Variants in MLLT3 observed in about 807,000 individuals in gnomAD.
MLLT3 encodes MLLT3 super elongation complex subunit, also known as protein AF-9.
In MLLT3, 4 loss-of-function variants were observed where a neutral mutation model predicts 53.2. The ratio of observed to expected loss-of-function variants is 0.08; its 90% CI spans 0.04 to 0.17. MLLT3 has a LOEUF of 0.17. MLLT3 is among the 10% of genes least tolerant of loss of function. The pLI is 1.00. For missense variants in MLLT3, 569 were observed against 684.0 expected, an observed-to-expected ratio of 0.83 and a Z score of 1.87; for synonymous variants, 283 against 230.6, an observed-to-expected ratio of 1.23 and a Z score of -2.06.
chr9:20,546,285 A>T (rs2119020110), intron 2 of MLLT3, among the ~76,000 whole-genome samples: 1 of 152,232 alleles, frequency 6.6e-6, no homozygotes, highest in Non-Finnish European at 1.5e-5. Flanking sequence ...ATTGCCACTT[A>T]AAAAATAAAT....
chr9:20,421,121 G>A (rs766176491), intron 4 of MLLT3, among the ~76,000 whole-genome samples: 14 of 151,908 alleles, frequency 9.2e-5, no homozygotes, highest in East Asian at 5.8e-4. Flanking sequence ...AAAATTAGCC[G>A]GGCCAGGTGG....
chr9:20,497,648 T>C (rs1441000246), intron 2 of MLLT3, among the ~76,000 whole-genome samples: 2 of 152,194 alleles, frequency 1.3e-5, no homozygotes, highest in African/African-American at 4.8e-5. Flanking sequence ...TTCCTCTTTA[T>C]TGCTGAGTAG....
rs574009021 is a variant in MLLT3, at chr9:20,346,694, A to G, written c.1576-120T>C. 5.4e-6 allele frequency: 5 copies of G among 927,700 alleles called. No individual in the cohort carries two copies. The African/African-American group carries it at 6.7e-5, about 12-fold the overall frequency. The allele number at this position is 927,700 out of a possible 1,614,324, so 57.5% of individuals were successfully genotyped here. ...GTGATAAATATTCGTATTTATAGCA[A>G]CAAGGTCCCATACCATGAATAGCAT... On this transcript the variant is annotated intron_variant, in intron 10 of 10. Transcript: ENST00000380338.
At chr9:20,588,329 T>C (rs1171957369) in intron 2 of MLLT3, among the ~76,000 whole-genome samples, 33 of 150,614 alleles carry the variant, frequency 2.2e-4, no homozygotes, top group Non-Finnish European at 1.3e-4. Flanking sequence ...ATGCGGGCTC[T>C]TTTTTGGTTC....
chr9:20,612,445 C>A (rs921759001), intron 2 of MLLT3, among the ~76,000 whole-genome samples: 1 of 152,038 alleles, frequency 6.6e-6, no homozygotes, highest in Admixed American at 6.6e-5. Context: ...TTAAATAAGA[C>A]CCTAAGCCCA....
chr9:20,438,923 T>C (rs1211852454), intron 4 of MLLT3, among the ~76,000 whole-genome samples: 3 of 152,140 alleles, frequency 2.0e-5, no homozygotes, highest in Admixed American at 6.5e-5. Context: ...GGGATCCTTA[T>C]CTCACTCAAT....
At chr9:20,395,972 G>A (rs1395681102) in intron 5 of MLLT3, among the ~76,000 whole-genome samples, 1 of 152,082 alleles carries the variant, frequency 6.6e-6, no homozygotes, top group African/African-American at 2.4e-5. Context: ...GGACAGCATA[G>A]GCTTGTTCTT....
At chr9:20,591,117 A>G (rs1324944904) in intron 2 of MLLT3, among the ~76,000 whole-genome samples, 1 of 152,208 alleles carries the variant, frequency 6.6e-6, no homozygotes, top group Non-Finnish European at 1.5e-5. Flanking sequence ...AATCAATTTT[A>G]GTATATACCT....
chr9:20,360,903 A>T, intron 7 of MLLT3, 62 bp from the exon 8 acceptor site: 1 of 1,416,388 alleles, frequency 7.1e-7, no homozygotes, highest in Non-Finnish European at 1.0e-6. Context: ...AAATACCCAT[A>T]GAAATAGGCG....
At position 20,621,798 on chromosome 9, in the gene MLLT3, G is replaced by A. The variant is rs144760687; in HGVS notation, c.12+447C>T. On this transcript the variant is annotated intron_variant, in intron 1 of 10. Transcript: ENST00000380338. The surrounding 1 kb of genome is among the most constrained non-coding windows in gnomAD (Gnocchi z 7.0). Reference sequence around the variant, plus strand: ...CATCGTAGCGGCCGCGGCGCTTTGCGGAGGTGCGGCCGCCGAGGCTGCTCG... The same window carrying A: ...CATCGTAGCGGCCGCGGCGCTTTGCAGAGGTGCGGCCGCCGAGGCTGCTCG... 44,715 of 1,457,550 alleles carry A rather than the reference G, an allele frequency of 0.031. 788 individuals are homozygous for A. The highest frequency in any genetic ancestry group is 0.033 in the Non-Finnish European group (36,304 of 1,115,290). The allele number at this position is 1,457,550 out of a possible 1,614,324, so 90.3% of individuals were successfully genotyped here. A position where few individuals can be genotyped will look rare whatever the true frequency, so the allele number is the denominator to read the frequency against.
chr9:20,537,351 G>C (rs1463986461), intron 2 of MLLT3, among the ~76,000 whole-genome samples: 2 of 152,126 alleles, frequency 1.3e-5, no homozygotes, highest in African/African-American at 2.4e-5. Flanking sequence ...TTACGGAAAT[G>C]TACAATTTAC....
intron 2 of MLLT3, among the ~76,000 whole-genome samples, chr9:20,522,662 C>T (rs568158549): frequency 3.5e-4 from 49 of 139,076 alleles, no homozygotes; most frequent in African/African-American, 1.3e-3. Flanking sequence ...AGAAAATAAA[C>T]AGAATAAAAA....
At chr9:20,589,019 C>A (rs1037651735) in intron 2 of MLLT3, among the ~76,000 whole-genome samples, 26 of 151,452 alleles carry the variant, frequency 1.7e-4, no homozygotes, top group South Asian at 6.4e-4. Context: ...TTGTGGAAGA[C>A]AGTGTGGCGA....
intron 2 of MLLT3, among the ~76,000 whole-genome samples, chr9:20,578,324 G>A (rs1819707210): frequency 6.6e-6 from 1 of 152,130 alleles, no homozygotes; most frequent in Non-Finnish European, 1.5e-5. Flanking sequence ...TCTATTCTAA[G>A]TATTATGGAA....
At chr9:20,594,436 T>C (rs1020892241) in intron 2 of MLLT3, among the ~76,000 whole-genome samples, 3 of 152,080 alleles carry the variant, frequency 2.0e-5, no homozygotes, top group Non-Finnish European at 4.4e-5. Flanking sequence ...TGGATCTTCA[T>C]CCCTCTTCAA....
At chr9:20,506,946 G>T (rs529776126) in intron 2 of MLLT3, among the ~76,000 whole-genome samples, 3 of 152,248 alleles carry the variant, frequency 2.0e-5, no homozygotes, top group South Asian at 2.1e-4. Flanking sequence ...TAGGGGGTGG[G>T]TATCACTTAA....
At chr9:20,577,771 T>C (rs1265154553) in intron 2 of MLLT3, among the ~76,000 whole-genome samples, 9 of 152,024 alleles carry the variant, frequency 5.9e-5, no homozygotes, top group Admixed American at 5.9e-4. Flanking sequence ...GGGAGAAGAG[T>C]GAACACACAC....
intron 2 of MLLT3, among the ~76,000 whole-genome samples, chr9:20,545,742 G>A (rs1006497624): frequency 6.6e-6 from 1 of 151,708 alleles, no homozygotes; most frequent in African/African-American, 2.4e-5. Context: ...AAGGGGACCA[G>A]GTCCAGTGGC....
intron 5 of MLLT3, among the ~76,000 whole-genome samples, chr9:20,404,243 C>T (rs200154356): frequency 6.6e-6 from 1 of 152,166 alleles, no homozygotes; most frequent in East Asian, 1.9e-4. Context: ...AATAAAAACA[C>T]ATTCTGTGAT....
Sources: allele counts gnomAD v4.1 joint callset (sites outside exome capture counted in the v4.1 genomes callset), GRCh38; gene constraint gnomAD v4.1.1; non-coding constraint Gnocchi (gnomAD v3.1); transcripts MANE v1.5; gene names NCBI Gene and HGNC (gene_info 2026-07-23, HGNC 2026-07-21).